Variants in PARD3B observed in about 807,000 individuals in gnomAD.
PARD3B encodes par-3 family cell polarity regulator beta.
A neutral mutation model predicts 130.2 loss-of-function variants in PARD3B; 103 were observed. The observed-to-expected ratio is 0.79, with a 90% confidence interval of 0.67 to 0.93. The LOEUF (loss-of-function observed/expected upper bound fraction) is 0.93, where lower values mean the gene tolerates loss of function less well. PARD3B is among the 40% of genes least tolerant of loss of function. PARD3B has a pLI of 0.00. For missense variants in PARD3B, 1,609 were observed against 1,499.2 expected (o/e 1.07, Z -1.21); for synonymous variants, 583 against 553.2 (o/e 1.05, Z -0.76).
chr2:205,268,963 A>G lies in PARD3B; in HGVS notation c.2185+23141A>G, dbSNP rs1053899835. Among the ~76,000 whole-genome samples the G allele has an allele frequency of 2.0e-5, 3 of 152,346 alleles. No homozygotes were observed. Among genetic ancestry groups the G allele is most frequent in the African/African-American group, 7.2e-5 (3 of 41,588 alleles). On this transcript the variant is annotated intron_variant, in intron 16 of 22. Coordinates refer to ENST00000406610, the MANE Select transcript of PARD3B (RefSeq NM_001302769.2). The surrounding 1 kb of genome is among the most constrained non-coding windows in gnomAD (Gnocchi z 4.1). ...TCTTGAATAAAAGGTGTACCCAAGT[A>G]TGAATAAAATAAGTATAAATCATTC...
At chr2:205,389,385 G>A (rs1310753143) in intron 18 of PARD3B, among the ~76,000 whole-genome samples, 1 of 151,926 alleles carries the variant, frequency 6.6e-6, no homozygotes, top group Non-Finnish European at 1.5e-5. Flanking sequence ...TTTTTGAGAC[G>A]GGGTTTCGTT....
At chr2:204,808,371 A>T (rs1471908829) in intron 2 of PARD3B, among the ~76,000 whole-genome samples, 1 of 152,112 alleles carries the variant, frequency 6.6e-6, no homozygotes, top group Non-Finnish European at 1.5e-5. Context: ...AGGAGTACAC[A>T]TACAGGTTTA....
In PARD3B at chr2:205,224,378, A is replaced by AAAAAAG. The variant is rs1390753499; in HGVS notation, c.2141-21395_2141-21394insGAAAAA. Reference sequence around the variant, plus strand: ...AGAGCGAGACTCCGTCTCAAAAAAAAAAAAAAAAAAGAAAGAAAGAAAGAA... The same window carrying AAAAAAG: ...AGAGCGAGACTCCGTCTCAAAAAAAAAAAAAGAAAAAAAAAAGAAAGAAAGAAAGAA... On this transcript the variant is annotated intron_variant, in intron 15 of 22. Coordinates refer to ENST00000406610, the MANE Select transcript of PARD3B (RefSeq NM_001302769.2). Among the ~76,000 whole-genome samples the AAAAAAG allele has an allele frequency of 1.5e-4, 22 of 149,016 alleles. 1 individual carries two copies. In the South Asian group the frequency reaches 4.4e-3, roughly 30 times the overall value.
At chr2:205,157,903 G>A (rs2034277230) in intron 10 of PARD3B, among the ~76,000 whole-genome samples, 1 of 152,144 alleles carries the variant, frequency 6.6e-6, no homozygotes, top group Admixed American at 6.5e-5. Flanking sequence ...GACCAAATAT[G>A]ATTAACCACA....
rs762250529 is a variant in PARD3B at position 205,591,924 on chromosome 2, A to G, written c.3261-23532A>G. Among the ~76,000 whole-genome samples, 1 of 152,210 alleles carries G rather than the reference A, an allele frequency of 6.6e-6. No homozygotes were observed. Among genetic ancestry groups the G allele is most frequent in the Non-Finnish European group, 1.5e-5 (1 of 68,030 alleles). On this transcript the variant is annotated intron_variant, in intron 22 of 22. Transcript: ENST00000406610. The surrounding 1 kb of genome is among the most constrained non-coding windows in gnomAD (Gnocchi z 4.2). The stretch of plus-strand genomic sequence containing the variant: ...TTGGCATCAGGATGGTCCAGCAGGG[A>G]ACGAAGACACCCAGGCATGGACATT...
At chr2:205,503,234 T>C (rs2050224185) in intron 21 of PARD3B, among the ~76,000 whole-genome samples, 1 of 152,086 alleles carries the variant, frequency 6.6e-6, no homozygotes. Context: ...AATGGAACAA[T>C]AATATATGTG....
chr2:205,557,806 C>A (rs920247559), intron 22 of PARD3B, among the ~76,000 whole-genome samples: 3 of 152,140 alleles, frequency 2.0e-5, no homozygotes, highest in South Asian at 2.1e-4. Flanking sequence ...AACCCACACA[C>A]CAGAGCTCAT....
At chr2:204,565,008 A>G (rs2031583649) in intron 1 of PARD3B, among the ~76,000 whole-genome samples, 1 of 152,214 alleles carries the variant, frequency 6.6e-6, no homozygotes, top group Admixed American at 6.5e-5. Context: ...GATATCGCCT[A>G]GGCTATGCTC....
chr2:205,502,727 G>A (rs2050201951), intron 21 of PARD3B, among the ~76,000 whole-genome samples: 1 of 151,702 alleles, frequency 6.6e-6, no homozygotes, highest in South Asian at 2.1e-4. Context: ...ATGAAAGTAT[G>A]CTCACTGAAG....
intron 1 of PARD3B, among the ~76,000 whole-genome samples, chr2:204,621,930 C>G (rs2034316224): frequency 6.6e-6 from 1 of 152,164 alleles, no homozygotes. Context: ...TTGTTCTAAT[C>G]TCACTTAGTT....
intron 2 of PARD3B, among the ~76,000 whole-genome samples, chr2:204,721,496 A>AT (rs2038995676): frequency 6.6e-6 from 1 of 152,122 alleles, no homozygotes; most frequent in Non-Finnish European, 1.5e-5. Flanking sequence ...AGAAATCTAC[A>AT]TTTTTATGAA....
At chr2:204,831,182 T>C (rs559658806) in intron 2 of PARD3B, among the ~76,000 whole-genome samples, 2 of 152,296 alleles carry the variant, frequency 1.3e-5, no homozygotes, top group Admixed American at 1.3e-4. Context: ...GCTTGAACTT[T>C]TCTATGAATA....
At chr2:204,846,846 G>C (rs567875452) in intron 2 of PARD3B, among the ~76,000 whole-genome samples, 1 of 152,030 alleles carries the variant, frequency 6.6e-6, no homozygotes, top group African/African-American at 2.4e-5. Context: ...AATGTGTTCA[G>C]TTCCCTGAAT....
intron 3 of PARD3B, among the ~76,000 whole-genome samples, chr2:204,988,684 A>G (rs927459049): frequency 1.3e-5 from 2 of 152,238 alleles, no homozygotes; most frequent in Non-Finnish European, 2.9e-5. Context: ...TGCATGACAG[A>G]AAAAGAGAAC....
chr2:204,648,039 A>G (rs946058143), intron 1 of PARD3B, among the ~76,000 whole-genome samples: 3 of 151,672 alleles, frequency 2.0e-5, no homozygotes, highest in Admixed American at 2.0e-4. Flanking sequence ...CGCAATAGTA[A>G]GACTGATCTT....
At chr2:204,740,543 A>G (rs929593970) in intron 2 of PARD3B, among the ~76,000 whole-genome samples, 10 of 152,212 alleles carry the variant, frequency 6.6e-5, no homozygotes, top group Admixed American at 1.3e-4. Context: ...TCTCTGCATC[A>G]TGATGTCTGG....
At chr2:205,491,824 A>T (rs1183780903) in intron 20 of PARD3B, among the ~76,000 whole-genome samples, 2 of 152,188 alleles carry the variant, frequency 1.3e-5, no homozygotes, top group Non-Finnish European at 2.9e-5. Flanking sequence ...TCAGGTTGCC[A>T]TGGTGAGGTC....
At chr2:204,911,889 A>G (rs2047250356) in intron 2 of PARD3B, among the ~76,000 whole-genome samples, 1 of 152,360 alleles carries the variant, frequency 6.6e-6, no homozygotes, top group East Asian at 1.9e-4. Flanking sequence ...TTTGTCAAAT[A>G]TACTTCATAA....
intron 2 of PARD3B, among the ~76,000 whole-genome samples, chr2:204,787,290 C>A (rs2042047002): frequency 6.6e-6 from 1 of 152,080 alleles, no homozygotes; most frequent in Non-Finnish European, 1.5e-5. Flanking sequence ...TTATCCTACC[C>A]CTCACCTGTT....
Sources: gnomAD v4.1 joint callset for allele counts (sites outside exome capture counted in the v4.1 genomes callset) on GRCh38, gnomAD v4.1.1 for gene constraint, Gnocchi (gnomAD v3.1) non-coding constraint, MANE v1.5 for transcripts, NCBI Gene and HGNC (gene_info 2026-07-23, HGNC 2026-07-21) for gene names.